The following CCNC variants were observed in gnomAD, a reference collection of about 807,000 sequenced individuals.
CCNC encodes cyclin C.
CCNC carries 19 observed loss-of-function variants against 50.0 expected under a neutral mutation model. The ratio of observed to expected loss-of-function variants is 0.38; its 90% CI spans 0.27 to 0.56. The LOEUF is 0.56. Ranked by LOEUF, CCNC falls within the 20% of genes least tolerant of loss-of-function variation. CCNC has a pLI of 0.72. For missense variants in CCNC, 200 were observed against 327.1 expected, an observed-to-expected ratio of 0.61 and a Z score of 3.00; for synonymous variants, 93 against 103.7, an observed-to-expected ratio of 0.90 and a Z score of 0.63.
rs370537137 is a variant in CCNC at position 99,568,522 on chromosome 6, T to G, written c.6A>C (p.Ala2=). 2 of 1,612,662 alleles carry G rather than the reference T, an allele frequency of 1.2e-6. No individual in the cohort carries two copies. The highest frequency in any genetic ancestry group is 2.7e-5 in the African/African-American group (2 of 74,860). M[A]GNFWQSSHYL... ...AGTGGGAGCTCTGCCAAAAGTTCCC[T>G]GCCATGGAACACAGCTTGCCCTGAT... Residue 2 remains alanine (A), a synonymous_variant, in exon 1 of 12, where the codon GCA becomes GCC. Coordinates refer to ENST00000520429, the MANE Select transcript of CCNC (RefSeq NM_005190.4).
chr6:99,563,761 A>ATGCT (rs2114408236), intron 1 of CCNC, among the ~76,000 whole-genome samples: 1 of 152,296 alleles, frequency 6.6e-6, no homozygotes, highest in South Asian at 2.1e-4. Context: ...ATTTTGTCAA[A>ATGCT]TGCTTATCCA....
chr6:99,568,777 G>T, upstream of CCNC: 4 of 1,259,106 alleles, frequency 3.2e-6, no homozygotes, highest in Non-Finnish European at 3.1e-6. Flanking sequence ...GGAGCCGGAG[G>T]GGAGGTGCTG....
chr6:99,561,269 A>G, intron 4 of CCNC, 98 bp downstream of exon 4: 1 of 794,220 alleles, frequency 1.3e-6, no homozygotes, highest in South Asian at 1.4e-5. Context: ...TGCATAAATT[A>G]CCATTTATTA....
Position 99,552,454 on chromosome 6 carries a change from G to A in CCNC, c.347-559C>T, listed in dbSNP as rs552369999. Among the ~76,000 whole-genome samples, 40 of 151,978 alleles carry A rather than the reference G, an allele frequency of 2.6e-4. 1 individual carries two copies. In the Middle Eastern group the frequency reaches 0.014, roughly 52 times the overall value. On this transcript the variant is annotated intron_variant, in intron 5 of 11. Transcript: ENST00000520429. Reference sequence around the variant, plus strand: ...ATAAAAGCATTAATATATATGCAAAGGTCTCGAGTTACTCATAAAGTAGTA... The same window carrying A: ...ATAAAAGCATTAATATATATGCAAAAGTCTCGAGTTACTCATAAAGTAGTA...
intron 1 of CCNC, chr6:99,567,974 C>T (rs1769217742): frequency 6.5e-6 from 1 of 154,284 alleles, no homozygotes; most frequent in Non-Finnish European, 1.4e-5. Context: ...TCCATCTAGA[C>T]ATAAAGTACG....
chr6:99,543,679 C>A, intron 11 of CCNC, 70 bp from the exon 12 acceptor site: 2 of 1,590,452 alleles, frequency 1.3e-6, no homozygotes, highest in Admixed American at 1.7e-5. Context: ...GATAAGCCTA[C>A]TGACTTTTAA....
chr6:99,553,787 CT>C (rs1394991494), intron 5 of CCNC, among the ~76,000 whole-genome samples: 7 of 152,162 alleles, frequency 4.6e-5, no homozygotes, highest in Non-Finnish European at 1.0e-4. Flanking sequence ...AAATAAATGT[CT>C]GTTGTGAAAG....
intron 4 of CCNC, among the ~76,000 whole-genome samples, chr6:99,560,392 A>G (rs1388837285): frequency 6.6e-6 from 1 of 152,190 alleles, no homozygotes; most frequent in Non-Finnish European, 1.5e-5. Flanking sequence ...AACAGAGTCA[A>G]TTGTCATTAT....
At chr6:99,558,907 C>T (rs1802658550) in intron 4 of CCNC, among the ~76,000 whole-genome samples, 1 of 151,992 alleles carries the variant, frequency 6.6e-6, no homozygotes, top group South Asian at 2.1e-4. Context: ...GCCTGTATTA[C>T]CTCTCCCCCA....
intron 10 of CCNC, among the ~76,000 whole-genome samples, 187 bp downstream of exon 10, chr6:99,546,208 C>G (rs561060836): frequency 6.6e-6 from 1 of 152,114 alleles, no homozygotes; most frequent in African/African-American, 2.4e-5. Context: ...TCAGGTGATC[C>G]GCCCACCTAG....
chr6:99,561,561 T>A (rs572834439), intron 3 of CCNC, 36 bp downstream of exon 3: 2 of 1,461,992 alleles, frequency 1.4e-6, no homozygotes. Flanking sequence ...CAACATTAGA[T>A]AAGAGTTCAA....
rs1353694418 is a variant in CCNC at position 99,545,096 on chromosome 6, A to G, written c.797+16T>C. 5 of 1,184,794 alleles carry G rather than the reference A, an allele frequency of 4.2e-6. No homozygotes were observed. The African/African-American group carries it at 7.5e-5, about 18-fold the overall frequency. The allele number at this position is 1,184,794 out of a possible 1,614,324, so 73.4% of individuals were successfully genotyped here. On this transcript the variant is annotated intron_variant, in intron 11 of 11. Coordinates refer to ENST00000520429, the MANE Select transcript of CCNC (RefSeq NM_005190.4). ...ATATGATTAAATGACATCAATAATT[A>G]AAGTCTACAAAGTACCTGTTTGGAG...
At chr6:99,568,324 G>C in intron 1 of CCNC, 172 bp downstream of exon 1, 1 of 610,982 alleles carries the variant, frequency 1.6e-6, no homozygotes, top group South Asian at 2.1e-5. Context: ...GGCTGGGGGC[G>C]GGGAGGGGAG....
At chr6:99,568,455 C>G (rs780397898) in intron 1 of CCNC, 41 bp downstream of exon 1, 1 of 1,600,904 alleles carries the variant, frequency 6.2e-7, no homozygotes, top group Non-Finnish European at 8.5e-7. Flanking sequence ...CACAGCTCCC[C>G]CAAAAACCGG....
rs559234081 is a variant in CCNC at position 99,543,434 on chromosome 6, T to C, written c.*121A>G. On this transcript the variant is annotated 3_prime_UTR_variant, in exon 12 of 12. Transcript: ENST00000520429. ...ACTTATTTTGCAAAAATAAAATCAC[T>C]TTCCAATATGCTTGACAGAAACAAG... The C allele has an allele frequency of 4.7e-6, 5 of 1,054,546 alleles. No individual in the cohort carries two copies. The African/African-American group carries it at 7.9e-5, about 17-fold the overall frequency. 65.3% of individuals were successfully genotyped at this position (1,054,546 alleles called of 1,614,324 possible). A position where few individuals can be genotyped will look rare whatever the true frequency, so the allele number is the denominator to read the frequency against.
chr6:99,554,510 A>T lies in CCNC; in HGVS notation c.347-2615T>A, dbSNP rs147359447. Among the ~76,000 whole-genome samples the T allele has an allele frequency of 2.0e-3, 300 of 152,292 alleles. 3 individuals carry two copies. Among genetic ancestry groups the T allele is most frequent in the African/African-American group, 6.9e-3 (285 of 41,556 alleles). On this transcript the variant is annotated intron_variant, in intron 5 of 11. Coordinates refer to ENST00000520429, the MANE Select transcript of CCNC (RefSeq NM_005190.4). ...CTCTTCTCCCTCATTTATTTATATCAGTATGGACTCATGGATATTTAGTTT... is the reference window on the plus strand; with the variant it reads ...CTCTTCTCCCTCATTTATTTATATCTGTATGGACTCATGGATATTTAGTTT...
rs1002031061 is a variant in CCNC, at chr6:99,558,378, G to T, written c.346+119C>A. On this transcript the variant is annotated intron_variant, in intron 5 of 11. Coordinates refer to ENST00000520429, the MANE Select transcript of CCNC (RefSeq NM_005190.4). ...ACACTAGATATAAAGTTATCCTCAG[G>T]AAATTTAATAAAGCCAACCAATCTC... The T allele has an allele frequency of 4.1e-6, 6 of 1,459,502 alleles. No individual in the cohort carries two copies. In the African/African-American group the frequency reaches 4.4e-5, roughly 11 times the overall value. 90.4% of individuals were successfully genotyped at this position (1,459,502 alleles called of 1,614,324 possible).
rs1238463450 is a variant in CCNC, at chr6:99,543,243, AAAG to A, written c.*309_*311del. On this transcript the variant is annotated 3_prime_UTR_variant, in exon 12 of 12. Coordinates refer to ENST00000520429, the MANE Select transcript of CCNC (RefSeq NM_005190.4). Reference sequence around the variant, plus strand: ...TGCTTCATGTTTCCTGGCTTAATAAAAAGCTACAATTTTTATTATCCAAATTAA... The same window carrying A: ...TGCTTCATGTTTCCTGGCTTAATAAACTACAATTTTTATTATCCAAATTAA... The A allele has an allele frequency of 5.2e-6, 1 of 191,342 alleles. No homozygotes were observed. The highest frequency in any genetic ancestry group is 2.3e-5 in the African/African-American group (1 of 42,938). The allele number at this position is 191,342 out of a possible 1,614,324, so 11.9% of individuals were successfully genotyped here. A position where few individuals can be genotyped will look rare whatever the true frequency, so the allele number is the denominator to read the frequency against.
intron 1 of CCNC, among the ~76,000 whole-genome samples, chr6:99,567,280 C>G (rs915061841): frequency 6.6e-6 from 1 of 151,944 alleles, no homozygotes; most frequent in African/African-American, 2.4e-5. Context: ...CTCTTCTCCA[C>G]TACCTAAACT....
Sources: allele counts gnomAD v4.1 joint callset (sites outside exome capture counted in the v4.1 genomes callset), GRCh38; gene constraint gnomAD v4.1.1; transcripts MANE v1.5; gene names NCBI Gene and HGNC (gene_info 2026-07-23, HGNC 2026-07-21).